Variants in SLCO3A1 observed in about 807,000 individuals in gnomAD.
SLCO3A1 encodes the protein PGE1 transporter.
SLCO3A1 carries 27 observed loss-of-function variants against 63.1 expected under a neutral mutation model. That is an observed-to-expected ratio of 0.43 (90% CI 0.32 to 0.59). The LOEUF is 0.59. Among genes scored for constraint, SLCO3A1 ranks in the 20% least tolerant of loss-of-function variants. SLCO3A1 has a pLI of 0.09. For missense variants in SLCO3A1, 773 were observed against 945.8 expected (o/e 0.82, Z 2.40); for synonymous variants, 473 against 409.9 (o/e 1.15, Z -1.86).
intron 7 of SLCO3A1, among the ~76,000 whole-genome samples, chr15:92,133,949 C>T (rs1401438107): frequency 1.3e-5 from 2 of 152,184 alleles, no homozygotes; most frequent in Admixed American, 6.5e-5. Flanking sequence ...CATGTTGCAG[C>T]ACAGGAAACA....
chr15:92,029,531 TG>T (rs1407380608), intron 2 of SLCO3A1, among the ~76,000 whole-genome samples: 10 of 152,236 alleles, frequency 6.6e-5, no homozygotes, highest in Non-Finnish European at 1.2e-4. Flanking sequence ...GAAAAATGTT[TG>T]TTTTCTCATA....
intron 2 of SLCO3A1, among the ~76,000 whole-genome samples, chr15:91,971,393 T>TAAAAA (rs1900858430): frequency 5.4e-4 from 1 of 1,856 alleles, no homozygotes. Flanking sequence ...AGACTCCATC[T>TAAAAA]CAAAAAAAAA....
intron 2 of SLCO3A1, among the ~76,000 whole-genome samples, chr15:91,926,704 T>G (rs1186451651): frequency 6.6e-6 from 1 of 152,086 alleles, no homozygotes; most frequent in Non-Finnish European, 1.5e-5. Flanking sequence ...ATGTATTTCT[T>G]TAGCGCTCAG....
chr15:91,888,847 A>C (rs1379643656), intron 1 of SLCO3A1, among the ~76,000 whole-genome samples: 1 of 152,112 alleles, frequency 6.6e-6, no homozygotes, highest in South Asian at 2.1e-4. Flanking sequence ...CAAAACAAAA[A>C]AAACAACACC....
chr15:91,963,422 G>GA (rs1326089373), intron 2 of SLCO3A1, among the ~76,000 whole-genome samples: 133 of 127,252 alleles, frequency 1.0e-3, no homozygotes, highest in Non-Finnish European at 1.4e-3. Flanking sequence ...GGGGGGGGGC[G>GA]GCAGCAGCCT....
intron 2 of SLCO3A1, among the ~76,000 whole-genome samples, chr15:92,024,599 C>T (rs2046548248): frequency 6.6e-6 from 1 of 152,226 alleles, no homozygotes; most frequent in South Asian, 2.1e-4. Context: ...CAGGTGCTCT[C>T]TCAGTCATGG....
rs1320239345 is a variant in SLCO3A1, at chr15:91,924,583, G to GA, written c.646+8132dup. Among the ~76,000 whole-genome samples the GA allele has an allele frequency of 3.9e-5, 6 of 152,278 alleles. No individual in the cohort carries two copies. In the South Asian group the frequency reaches 1.2e-3, roughly 32 times the overall value. ...TCGCACATTGTGAATGTCACAGCCA[G>GA]AAAAAAAGTGTTCTTCGCTGTGGTT... On this transcript the variant is annotated intron_variant, in intron 2 of 9. Transcript: ENST00000318445.
intron 2 of SLCO3A1, among the ~76,000 whole-genome samples, chr15:92,042,988 A>G (rs567015147): frequency 6.6e-6 from 1 of 152,272 alleles, no homozygotes; most frequent in East Asian, 1.9e-4. Context: ...TAGAATCAAG[A>G]TGACAAGGAT....
At chr15:91,903,505 G>T (rs561165852) in intron 1 of SLCO3A1, among the ~76,000 whole-genome samples, 17 of 152,294 alleles carry the variant, frequency 1.1e-4, no homozygotes, top group African/African-American at 3.9e-4. Context: ...GAGTGGTTGT[G>T]GGGGAGCTGT....
In SLCO3A1 at chr15:92,055,021, C is replaced by T. The variant is rs1169046385; in HGVS notation, c.647-39860C>T. 2.6e-5 allele frequency among the ~76,000 whole-genome samples: 4 copies of T among 152,244 alleles called. No individual in the cohort carries two copies. The South Asian group carries it at 6.2e-4, about 24-fold the overall frequency. On this transcript the variant is annotated intron_variant, in intron 2 of 9. Coordinates refer to ENST00000318445, the MANE Select transcript of SLCO3A1 (RefSeq NM_013272.4). ...TTCTGGTTCTAGGTCTTTGAGGAAT[C>T]GCCACACTGTCTTCTACCATGGTTG...
chr15:92,003,405 T>G (rs1478718371), intron 2 of SLCO3A1, among the ~76,000 whole-genome samples: 1 of 152,212 alleles, frequency 6.6e-6, no homozygotes, highest in Admixed American at 6.5e-5. Flanking sequence ...ACATTCCTTT[T>G]GCTTATTAGT....
At chr15:92,024,176 A>C (rs1159564672) in intron 2 of SLCO3A1, among the ~76,000 whole-genome samples, 1 of 152,264 alleles carries the variant, frequency 6.6e-6, no homozygotes, top group Non-Finnish European at 1.5e-5. Context: ...GAATGAAAAA[A>C]GCAAAAGAAA....
At chr15:92,093,230 G>A (rs569625171) in intron 2 of SLCO3A1, among the ~76,000 whole-genome samples, 2 of 152,332 alleles carry the variant, frequency 1.3e-5, no homozygotes, top group Admixed American at 1.3e-4. Context: ...GAAGCATGGT[G>A]TTGGCATCTG....
chr15:92,107,366 G>A (rs1472495988), intron 4 of SLCO3A1, among the ~76,000 whole-genome samples: 2 of 152,166 alleles, frequency 1.3e-5, no homozygotes, highest in African/African-American at 4.8e-5. Context: ...ATGAAGTGGG[G>A]CCACAGTCGT....
chr15:92,171,874 T>G (rs1479421491), exon 11 of SLCO3A1: 1 of 1,544,440 alleles, frequency 6.5e-7, no homozygotes, highest in South Asian at 1.2e-5. Flanking sequence ...GGCCTGGCCC[T>G]CTTCCTCTTC....
chr15:92,029,569 T>C (rs997616597), intron 2 of SLCO3A1, among the ~76,000 whole-genome samples: 2 of 152,126 alleles, frequency 1.3e-5, no homozygotes, highest in African/African-American at 2.4e-5. Flanking sequence ...CTGTAGAAAA[T>C]TTGGAAACAC....
intron 2 of SLCO3A1, among the ~76,000 whole-genome samples, chr15:91,926,750 C>T (rs912787926): frequency 6.6e-6 from 1 of 152,126 alleles, no homozygotes; most frequent in Non-Finnish European, 1.5e-5. Flanking sequence ...CAGGAGTCAT[C>T]GTTGGCTGCT....
At chr15:91,986,377 TC>T (rs1487430477) in intron 2 of SLCO3A1, among the ~76,000 whole-genome samples, 1 of 152,130 alleles carries the variant, frequency 6.6e-6, no homozygotes, top group Admixed American at 6.5e-5. Flanking sequence ...GGCAGCAGGA[TC>T]CTTTCCTTCC....
rs2048473297 is a variant in SLCO3A1, at chr15:92,164,123, T to C, written c.*988T>C. The C allele has an allele frequency of 1.0e-6, 1 of 981,632 alleles. No homozygotes were observed. The highest frequency in any genetic ancestry group is 1.2e-6 in the Non-Finnish European group (1 of 826,548). 60.8% of individuals were successfully genotyped at this position (981,632 alleles called of 1,614,324 possible). On this transcript the variant is annotated 3_prime_UTR_variant, in exon 10 of 10. Coordinates refer to ENST00000318445, the MANE Select transcript of SLCO3A1 (RefSeq NM_013272.4). ...TTTTAACTACTTCTAAAATCTGTGT[T>C]AACCCTTCAAGTCACTAACACAGTT...
Sources: gnomAD v4.1 joint callset for allele counts (sites outside exome capture counted in the v4.1 genomes callset) on GRCh38, gnomAD v4.1.1 for gene constraint, MANE v1.5 for transcripts, NCBI Gene and HGNC (gene_info 2026-07-23, HGNC 2026-07-21) for gene names.